The following WNK2 variants were observed in gnomAD, a reference collection of about 807,000 sequenced individuals.
The protein encoded by WNK2 is WNK lysine deficient protein kinase 2, also known as serine/threonine-protein kinase WNK2.
Under a neutral mutation model 192.1 loss-of-function variants are expected in WNK2, and 67 were observed. The ratio of observed to expected loss-of-function variants is 0.35; its 90% CI spans 0.29 to 0.43. The LOEUF is 0.43. WNK2 is among the 20% of genes least tolerant of loss of function. WNK2 has a pLI of 1.00. For missense variants in WNK2, 2,698 were observed against 3,089.7 expected (o/e 0.87, Z 3.01); for synonymous variants, 1,439 against 1,393.9 (o/e 1.03, Z -0.72).
At chr9:93,190,592 G>C (rs946220470) in intron 2 of WNK2, among the ~76,000 whole-genome samples, 1 of 152,182 alleles carries the variant, frequency 6.6e-6, no homozygotes, top group South Asian at 2.1e-4. Flanking sequence ...CTCATTCCTC[G>C]TCAGCATGTT....
intron 2 of WNK2, among the ~76,000 whole-genome samples, chr9:93,212,511 C>A (rs182494955): frequency 1.3e-5 from 2 of 152,342 alleles, no homozygotes; most frequent in East Asian, 3.9e-4. Context: ...GCCAGGCCCT[C>A]CTCTCCCTCC....
At position 93,240,061 on chromosome 9, in the gene WNK2, G is replaced by C. The variant is rs1005830157; in HGVS notation, c.1542+85G>C. On this transcript the variant is annotated intron_variant, in intron 7 of 29. Transcript: ENST00000427277. Reference sequence around the variant, plus strand: ...GGATGAGAACAAAAGTGGGCTGAGGGGGCTTGCTCCGGAGGGGACTGCAAG... The same window carrying C: ...GGATGAGAACAAAAGTGGGCTGAGGCGGCTTGCTCCGGAGGGGACTGCAAG... The C allele has an allele frequency of 2.3e-5, 33 of 1,416,410 alleles. No individual in the cohort carries two copies. The East Asian group carries it at 4.7e-4, about 20-fold the overall frequency. The allele number at this position is 1,416,410 out of a possible 1,614,324, so 87.7% of individuals were successfully genotyped here.
In WNK2 at chr9:93,221,056, G is replaced by T. The variant is rs111420041; in HGVS notation, c.682-8640G>T. ...CGATGGAGGGTATTGGGTGGGCCTGGGGTGGGGAGGGCTCCTGCAGCCTGC... is the reference window on the plus strand; with the variant it reads ...CGATGGAGGGTATTGGGTGGGCCTGTGGTGGGGAGGGCTCCTGCAGCCTGC... On this transcript the variant is annotated intron_variant, in intron 2 of 29. Transcript: ENST00000427277. Among the ~76,000 whole-genome samples, 101 of 152,320 alleles carry T rather than the reference G, an allele frequency of 6.6e-4. 1 individual carries two copies. The highest frequency in any genetic ancestry group is 2.2e-3 in the African/African-American group (90 of 41,572).
At chr9:93,311,609 T>TTTTTTGTGTG (rs754885668) in intron 28 of WNK2, among the ~76,000 whole-genome samples, 1 of 30,746 alleles carries the variant, frequency 3.3e-5, no homozygotes, top group African/African-American at 8.0e-5. Flanking sequence ...CTGGGTTTTT[T>TTTTTTGTGTG]TGTTTGTGTG....
At chr9:93,235,519 C>T (rs939634805) in intron 5 of WNK2, among the ~76,000 whole-genome samples, 11 of 152,200 alleles carry the variant, frequency 7.2e-5, no homozygotes, top group South Asian at 2.1e-4. Flanking sequence ...TTTCTTTAAT[C>T]GGACGGCTTC....
chr9:93,264,257 C>T lies in WNK2; in HGVS notation c.3696+224C>T, dbSNP rs570025887. 2.6e-5 allele frequency among the ~76,000 whole-genome samples: 4 copies of T among 152,324 alleles called. No homozygotes were observed. In the South Asian group the frequency reaches 8.3e-4, roughly 32 times the overall value. On this transcript the variant is annotated intron_variant, in intron 16 of 29. Transcript: ENST00000427277. ...CAGCTTGAAGGATGTTCTAACCATT[C>T]TAAGATGCTGCTCCCTGAGGGCTTC...
rs1030248745 is a variant in WNK2, at chr9:93,257,337, G to C, written c.2382+198G>C. Among the ~76,000 whole-genome samples, 1 of 152,124 alleles carries C rather than the reference G, an allele frequency of 6.6e-6. No individual in the cohort carries two copies. Among genetic ancestry groups the C allele is most frequent in the Non-Finnish European group, 1.5e-5 (1 of 68,028 alleles). On this transcript the variant is annotated intron_variant, in intron 11 of 29. Coordinates refer to ENST00000427277, the MANE Select transcript of WNK2 (RefSeq NM_006648.4). The surrounding 1 kb of genome is among the most constrained non-coding windows in gnomAD (Gnocchi z 4.7). ...AGTCATATGCACCAGGAACGCTCCA[G>C]GGTCCCACACAACCAGCCACTTGTC...
chr9:93,224,529 C>T (rs1837478911), intron 2 of WNK2, among the ~76,000 whole-genome samples: 1 of 152,210 alleles, frequency 6.6e-6, no homozygotes, highest in Admixed American at 6.5e-5. Flanking sequence ...CTGTGTGACT[C>T]GTGCAGCCCT....
chr9:93,311,776 C>T (rs1456246564), intron 28 of WNK2, among the ~76,000 whole-genome samples: 3 of 152,050 alleles, frequency 2.0e-5, no homozygotes, highest in African/African-American at 7.2e-5. Flanking sequence ...TCTGCCACCA[C>T]GGCCAGCTAA....
In WNK2 at chr9:93,289,447, G is replaced by T; in HGVS notation, c.4693G>T (p.Val1565Leu). 2 of 1,612,800 alleles carry T rather than the reference G, an allele frequency of 1.2e-6. No individual in the cohort carries two copies. Among genetic ancestry groups the T allele is most frequent in the Non-Finnish European group, 1.7e-6 (2 of 1,179,662 alleles). ...GCGGACTCTGCTCTACCAGGAGCAC[G>T]TGCCCACCTCCTCAGCCTCAGCTGG... ...KLRTLLYQEH[V>L]PTSSASAGTP... Residue 1565 changes from valine (V) to leucine (L), a missense_variant, in exon 20 of 30, where the codon GTG becomes TTG. Around this residue, in one of 7 missense-constraint regions of WNK2, gnomAD observed 1,098 missense variants for 1,101.0 expected, o/e 1.00. Transcript: ENST00000427277.
chr9:93,198,498 C>T (rs138420605), intron 2 of WNK2, among the ~76,000 whole-genome samples: 163 of 152,266 alleles, frequency 1.1e-3, no homozygotes, highest in African/African-American at 3.8e-3. Flanking sequence ...TCCTACCTGC[C>T]AGCCCTGGAC....
intron 28 of WNK2, among the ~76,000 whole-genome samples, chr9:93,312,703 T>C (rs1438967927): frequency 6.6e-6 from 1 of 152,172 alleles, no homozygotes; most frequent in Non-Finnish European, 1.5e-5. Flanking sequence ...TTCTGGTATG[T>C]GCATATCCAG....
chr9:93,297,201 C>T (rs1408415761), intron 23 of WNK2, among the ~76,000 whole-genome samples: 2 of 150,942 alleles, frequency 1.3e-5, no homozygotes, highest in Non-Finnish European at 3.0e-5. Context: ...TCTCTGCATC[C>T]ACCCCTCCGC....
At chr9:93,185,872 A>C (rs561915074) in intron 2 of WNK2, among the ~76,000 whole-genome samples, 1 of 152,276 alleles carries the variant, frequency 6.6e-6, no homozygotes, top group East Asian at 1.9e-4. Context: ...GTTTGGTGTA[A>C]GTGTGCACGC....
intron 2 of WNK2, among the ~76,000 whole-genome samples, chr9:93,216,165 C>A (rs970549991): frequency 6.6e-6 from 1 of 152,148 alleles, no homozygotes; most frequent in African/African-American, 2.4e-5. Context: ...TTGCCAGACT[C>A]TGGGCTCTGA....
rs202034348 is a variant in WNK2, at chr9:93,212,005, AT to A, written c.682-17689del. ...ACTCATCTGCCCCATTCACGCACTC[AT>A]TCACACACTCACACATTCACTCACT... On this transcript the variant is annotated intron_variant, in intron 2 of 29. Coordinates refer to ENST00000427277, the MANE Select transcript of WNK2 (RefSeq NM_006648.4). Among the ~76,000 whole-genome samples, 811 of 152,170 alleles carry A rather than the reference AT, an allele frequency of 5.3e-3. 7 individuals are homozygous for A. The highest frequency in any genetic ancestry group is 0.018 in the African/African-American group (762 of 41,504).
At chr9:93,318,101 C>T (rs376255355) in intron 29 of WNK2, 94 of 1,582,772 alleles carry the variant, frequency 5.9e-5, no homozygotes, top group Admixed American at 1.0e-4. Context: ...TTGTCGTCAC[C>T]CTGCAGAAGT....
Position 93,261,904 on chromosome 9 carries a change from C to A in WNK2, c.3157C>A (p.Pro1053Thr), listed in dbSNP as rs1217091141. The A allele has an allele frequency of 6.2e-7, 1 of 1,605,940 alleles. No individual in the cohort carries two copies. Among genetic ancestry groups the A allele is most frequent in the African/African-American group, 1.3e-5 (1 of 74,926 alleles). Residue 1053 changes from proline (P) to threonine (T), a missense_variant, in exon 13 of 30, where the codon CCT becomes ACT. By Grantham distance (38) the Pro-to-Thr change is conservative. This residue lies in a region of WNK2 where 893 missense variants were observed against 909.0 expected (regional missense o/e 0.98). Transcript: ENST00000427277. ...PVPPAAVLSP[P>T]LPEVLLPAAP... ...GCCACCGGCTGCGGTCCTCTCGCCGCCTCTGCCGGAAGTGCTGCTGCCTGC... is the reference window on the plus strand; with the variant it reads ...GCCACCGGCTGCGGTCCTCTCGCCGACTCTGCCGGAAGTGCTGCTGCCTGC...
intron 26 of WNK2, among the ~76,000 whole-genome samples, chr9:93,305,465 C>G (rs1852354429): frequency 6.6e-6 from 1 of 152,238 alleles, no homozygotes; most frequent in Non-Finnish European, 1.5e-5. Flanking sequence ...GAGCTGCTCA[C>G]CCAGAGCCCA....
Sources: allele counts gnomAD v4.1 joint callset (sites outside exome capture counted in the v4.1 genomes callset), GRCh38; gene constraint gnomAD v4.1.1; regional missense constraint gnomAD v4.1.1; non-coding constraint Gnocchi (gnomAD v3.1); transcripts MANE v1.5; gene names NCBI Gene and HGNC (gene_info 2026-07-23, HGNC 2026-07-21).